Variants in TMEM108 observed in about 807,000 individuals in gnomAD.
TMEM108 encodes the protein cancer/testis antigen 124.
TMEM108 carries 12 observed loss-of-function variants against 35.1 expected under a neutral mutation model. The observed-to-expected ratio is 0.34, with a 90% CI of 0.22 to 0.55. The LOEUF is 0.55. Among genes scored for constraint, TMEM108 ranks in the 20% least tolerant of loss-of-function variants. The pLI is 0.89. For synonymous variants in TMEM108, 287 were observed against 308.6 expected (o/e 0.93, Z 0.73); for missense variants, 680 against 753.3 (o/e 0.90, Z 1.14).
At chr3:133,105,423 T>C (rs1270461920) in intron 2 of TMEM108, among the ~76,000 whole-genome samples, 2 of 152,218 alleles carry the variant, frequency 1.3e-5, no homozygotes, top group Non-Finnish European at 2.9e-5. Context: ...CCTCTTCCAA[T>C]GCATCTCTCT....
chr3:133,146,778 G>T (rs1413348206), intron 2 of TMEM108, among the ~76,000 whole-genome samples: 1 of 152,110 alleles, frequency 6.6e-6, no homozygotes, highest in African/African-American at 2.4e-5. Flanking sequence ...TTTTCTGATG[G>T]TAGTTTGTAT....
chr3:133,338,328 T>G (rs1194869266), intron 3 of TMEM108, among the ~76,000 whole-genome samples: 3 of 151,924 alleles, frequency 2.0e-5, no homozygotes, highest in African/African-American at 7.2e-5. Flanking sequence ...AAGAACAACA[T>G]AAAATGAAGG....
intron 3 of TMEM108, among the ~76,000 whole-genome samples, chr3:133,369,821 G>A (rs1232772668): frequency 6.6e-6 from 1 of 152,128 alleles, no homozygotes; most frequent in African/African-American, 2.4e-5. Context: ...CGCATCTGTG[G>A]GTACATGATC....
chr3:133,297,773 C>T (rs1248439165), intron 3 of TMEM108, among the ~76,000 whole-genome samples: 4 of 152,186 alleles, frequency 2.6e-5, no homozygotes, highest in Non-Finnish European at 5.9e-5. Context: ...AGGGCGCACA[C>T]TGCTGTATTC....
intron 2 of TMEM108, among the ~76,000 whole-genome samples, chr3:133,105,993 TG>T (rs1416716339): frequency 1.3e-5 from 2 of 152,118 alleles, no homozygotes; most frequent in Non-Finnish European, 2.9e-5. Flanking sequence ...AAATGTTTAT[TG>T]ATTATTCTGT....
intron 2 of TMEM108, among the ~76,000 whole-genome samples, chr3:133,145,574 A>G (rs1944707207): frequency 1.3e-5 from 2 of 152,118 alleles, no homozygotes; most frequent in Admixed American, 1.3e-4. Flanking sequence ...CATTTTCACG[A>G]TATTGATTCT....
intron 1 of TMEM108, among the ~76,000 whole-genome samples, chr3:133,045,314 A>C (rs1216529349): frequency 6.6e-6 from 1 of 152,108 alleles, no homozygotes; most frequent in Non-Finnish European, 1.5e-5. Context: ...AGTATTTTAC[A>C]GTTGAGGAAA....
chr3:133,045,398 A>C lies in TMEM108; in HGVS notation c.-165-504A>C, dbSNP rs1352762271. On this transcript the variant is annotated intron_variant, in intron 1 of 5. Coordinates refer to ENST00000321871, the MANE Select transcript of TMEM108 (RefSeq NM_023943.4). ...GTCTCACTCAGAACCCTCTACTCTA[A>C]ACTTAATGCTGTCTTTCTTCATGAT... Among the ~76,000 whole-genome samples, 4 of 152,184 alleles carry C rather than the reference A, an allele frequency of 2.6e-5. No homozygotes were observed. In the East Asian group the frequency reaches 7.7e-4, roughly 29 times the overall value.
At chr3:133,229,409 G>A (rs903885075) in intron 3 of TMEM108, 58 bp downstream of exon 3, 7 of 1,565,358 alleles carry the variant, frequency 4.5e-6, no homozygotes, top group Non-Finnish European at 6.1e-6. Flanking sequence ...TATTTGCTGG[G>A]TACCCACAAC....
At chr3:133,323,104 C>G (rs2071286798) in intron 3 of TMEM108, among the ~76,000 whole-genome samples, 1 of 152,110 alleles carries the variant, frequency 6.6e-6, no homozygotes, top group Non-Finnish European at 1.5e-5. Flanking sequence ...TGGAGCAAGA[C>G]AATGATGCCC....
At chr3:133,283,255 C>A (rs1946940064) in intron 3 of TMEM108, among the ~76,000 whole-genome samples, 1 of 152,130 alleles carries the variant, frequency 6.6e-6, no homozygotes, top group African/African-American at 2.4e-5. Flanking sequence ...ATTTCTTCCC[C>A]AGATTAATAA....
chr3:133,068,759 T>G (rs1943641403), intron 2 of TMEM108, among the ~76,000 whole-genome samples: 1 of 152,162 alleles, frequency 6.6e-6, no homozygotes, highest in African/African-American at 2.4e-5. Context: ...GTCCTTGTCC[T>G]CTAGAAGTTG....
At chr3:133,385,728 C>T (rs1576541774) in intron 4 of TMEM108, among the ~76,000 whole-genome samples, 1 of 152,232 alleles carries the variant, frequency 6.6e-6, no homozygotes, top group East Asian at 1.9e-4. Flanking sequence ...GCTTCTAAGA[C>T]TTGGCTTGTG....
chr3:133,220,667 A>G (rs1382916666), intron 2 of TMEM108, among the ~76,000 whole-genome samples: 5 of 152,166 alleles, frequency 3.3e-5, no homozygotes, highest in Non-Finnish European at 5.9e-5. Context: ...ACATGAAGCA[A>G]TTCTCCCATG....
intron 3 of TMEM108, among the ~76,000 whole-genome samples, chr3:133,240,807 A>G (rs1387978790): frequency 6.6e-6 from 1 of 152,228 alleles, no homozygotes; most frequent in African/African-American, 2.4e-5. Flanking sequence ...TGGGTAGGGT[A>G]TAAAAACATT....
intron 3 of TMEM108, among the ~76,000 whole-genome samples, chr3:133,342,945 T>A (rs2071710042): frequency 6.6e-6 from 1 of 151,682 alleles, no homozygotes; most frequent in Admixed American, 6.6e-5. Flanking sequence ...ATGATAGATG[T>A]TTGAGATGAT....
intron 2 of TMEM108, among the ~76,000 whole-genome samples, chr3:133,065,205 G>C (rs1943581189): frequency 6.6e-6 from 1 of 152,048 alleles, no homozygotes; most frequent in African/African-American, 2.4e-5. Context: ...TTAGCACTAT[G>C]TATTCTTTTT....
intron 2 of TMEM108, among the ~76,000 whole-genome samples, chr3:133,227,443 T>C (rs1256999857): frequency 6.7e-6 from 1 of 149,718 alleles, no homozygotes; most frequent in Non-Finnish European, 1.5e-5. Context: ...TCCGCCCGCC[T>C]CGGCCTCCCA....
chr3:133,395,817 C>A, intron 5 of TMEM108, 47 bp from the exon 6 acceptor site: 1 of 1,490,074 alleles, frequency 6.7e-7, no homozygotes, highest in South Asian at 1.4e-5. Flanking sequence ...ATGGCCACCT[C>A]TTAAGCCTTC....
Sources: gnomAD v4.1 joint callset for allele counts (sites outside exome capture counted in the v4.1 genomes callset) on GRCh38, gnomAD v4.1.1 for gene constraint, MANE v1.5 for transcripts, NCBI Gene and HGNC (gene_info 2026-07-23, HGNC 2026-07-21) for gene names.